Variants in PTPRM observed in about 807,000 individuals in gnomAD.
The protein encoded by PTPRM is protein tyrosine phosphatase receptor type M.
Under a neutral mutation model 186.7 loss-of-function variants are expected in PTPRM, and 47 were observed. That is an observed-to-expected ratio of 0.25 (90% CI 0.20 to 0.32). The LOEUF (loss-of-function observed/expected upper bound fraction) is 0.32. Ranked by LOEUF, PTPRM falls within the 10% of genes least tolerant of loss-of-function variation. PTPRM has a pLI of 1.00. For synonymous variants in PTPRM, 668 were observed against 674.9 expected (o/e 0.99, Z 0.16); for missense variants, 1,494 against 1,865.0 (o/e 0.80, Z 3.66).
At chr18:8,356,746 C>G (rs1598419927) in intron 23 of PTPRM, among the ~76,000 whole-genome samples, 1 of 152,208 alleles carries the variant, frequency 6.6e-6, no homozygotes, top group Middle Eastern at 3.4e-3. Context: ...TAGGTGGAAT[C>G]CCAGGACAGC....
At chr18:8,279,523 G>T (rs979013483) in intron 19 of PTPRM, among the ~76,000 whole-genome samples, 2 of 152,104 alleles carry the variant, frequency 1.3e-5, no homozygotes, top group Admixed American at 6.5e-5. Flanking sequence ...TTCACTTGAC[G>T]CTGTGTCTTG....
intron 31 of PTPRM, among the ~76,000 whole-genome samples, chr18:8,393,828 G>A (rs1465647231): frequency 1.3e-5 from 2 of 151,994 alleles, no homozygotes; most frequent in East Asian, 1.9e-4. Flanking sequence ...TCGCTCTGTT[G>A]CCCAGGCTGG....
At chr18:8,235,456 C>CTTTTTTTTTTTTTT (rs58166609) in intron 14 of PTPRM, among the ~76,000 whole-genome samples, 1 of 102,320 alleles carries the variant, frequency 9.8e-6, no homozygotes, top group Non-Finnish European at 1.9e-5. Flanking sequence ...TCTGTGTCTT[C>CTTTTTTTTTTTTTT]TTTTTTTTTT....
intron 14 of PTPRM, among the ~76,000 whole-genome samples, chr18:8,176,855 G>T (rs2093490876): frequency 6.6e-6 from 1 of 152,224 alleles, no homozygotes; most frequent in South Asian, 2.1e-4. Context: ...CTCATGCAGA[G>T]TTGGTGACTA....
Position 7,890,927 on chromosome 18 carries a change from T to A in PTPRM, c.468+2550T>A, listed in dbSNP as rs181113077. Among the ~76,000 whole-genome samples the A allele has an allele frequency of 6.6e-5, 10 of 152,280 alleles. No homozygotes were observed. In the East Asian group the frequency reaches 1.9e-3, roughly 29 times the overall value. On this transcript the variant is annotated intron_variant, in intron 3 of 32. Transcript: ENST00000580170. ...TAAAGCAATACATTAAATTCTATTT[T>A]TAAGTTTAAAAAATCTAATAAAGAC...
At chr18:7,773,113 G>T (rs552859806) in intron 1 of PTPRM, among the ~76,000 whole-genome samples, 107 of 148,436 alleles carry the variant, frequency 7.2e-4, no homozygotes, top group African/African-American at 2.5e-3. Context: ...ATTATTCTTT[G>T]TTTTTTTTTT....
chr18:7,682,103 C>G (rs1200892699), intron 1 of PTPRM, among the ~76,000 whole-genome samples: 1 of 152,316 alleles, frequency 6.6e-6, no homozygotes. Context: ...ATATGTTGGT[C>G]TCAAGACTGC....
At chr18:8,216,420 C>G (rs2094086937) in intron 14 of PTPRM, among the ~76,000 whole-genome samples, 1 of 152,172 alleles carries the variant, frequency 6.6e-6, no homozygotes, top group Non-Finnish European at 1.5e-5. Flanking sequence ...TCTGTCATAT[C>G]TACATATAAC....
At chr18:8,384,497 T>C (rs1262699722) in intron 29 of PTPRM, 64 bp from the exon 30 acceptor site, 2 of 1,583,142 alleles carry the variant, frequency 1.3e-6, no homozygotes, top group Non-Finnish European at 1.7e-6. Flanking sequence ...ACTAACCTTA[T>C]CCAAACTGTT....
At chr18:7,795,456 T>C (rs1350427044) in intron 2 of PTPRM, among the ~76,000 whole-genome samples, 1 of 151,204 alleles carries the variant, frequency 6.6e-6, no homozygotes, top group Non-Finnish European at 1.5e-5. Context: ...AAGAAATTAA[T>C]TGTGCTTGTT....
intron 23 of PTPRM, among the ~76,000 whole-genome samples, chr18:8,349,568 C>T (rs181481077): frequency 6.6e-6 from 1 of 152,042 alleles, no homozygotes; most frequent in African/African-American, 2.4e-5. Context: ...CTGACATAAG[C>T]CTTACCTCCC....
chr18:8,237,353 G>A (rs543578797), intron 14 of PTPRM, among the ~76,000 whole-genome samples: 1 of 147,954 alleles, frequency 6.8e-6, no homozygotes, highest in African/African-American at 2.5e-5. Flanking sequence ...CCAAGTTTCT[G>A]ATCTATCATT....
chr18:7,734,047 T>G (rs10163896), intron 1 of PTPRM, among the ~76,000 whole-genome samples: 1 of 152,164 alleles, frequency 6.6e-6, no homozygotes, highest in Admixed American at 6.6e-5. Flanking sequence ...TTCACACTTA[T>G]GAAGGGGTCA....
intron 12 of PTPRM, among the ~76,000 whole-genome samples, chr18:8,114,214 CT>C (rs958272996): frequency 1.6e-4 from 24 of 149,568 alleles, no homozygotes; most frequent in Non-Finnish European, 2.4e-4. Flanking sequence ...AATTTGGTAT[CT>C]TTTTTTTTTC....
intron 27 of PTPRM, among the ~76,000 whole-genome samples, chr18:8,378,865 C>T (rs560125041): frequency 6.6e-6 from 1 of 152,190 alleles, no homozygotes; most frequent in Non-Finnish European, 1.5e-5. Context: ...ACTCTTCCCC[C>T]ACCTCTGACC....
At chr18:7,714,093 T>A (rs2040271347) in intron 1 of PTPRM, among the ~76,000 whole-genome samples, 1 of 152,176 alleles carries the variant, frequency 6.6e-6, no homozygotes, top group African/African-American at 2.4e-5. Flanking sequence ...ACGTTGCACT[T>A]ACTCTAAAAT....
At chr18:7,977,489 G>A (rs1183041982) in intron 7 of PTPRM, among the ~76,000 whole-genome samples, 1 of 152,108 alleles carries the variant, frequency 6.6e-6, no homozygotes, top group Non-Finnish European at 1.5e-5. Flanking sequence ...TTCTGGTCCA[G>A]GGAACAGCCT....
At chr18:8,402,740 A>C (rs1398012471) in intron 32 of PTPRM, 2 of 152,204 alleles carry the variant, frequency 1.3e-5, no homozygotes, top group Non-Finnish European at 2.9e-5. Context: ...TCTCTTTTAA[A>C]TATTCTGAAA....
intron 17 of PTPRM, among the ~76,000 whole-genome samples, chr18:8,251,207 G>C (rs1472858678): frequency 6.6e-6 from 1 of 152,190 alleles, no homozygotes; most frequent in Non-Finnish European, 1.5e-5. Flanking sequence ...TAGGTTGCTG[G>C]TGTATCCACG....
Sources: allele counts gnomAD v4.1 joint callset (sites outside exome capture counted in the v4.1 genomes callset), GRCh38; gene constraint gnomAD v4.1.1; transcripts MANE v1.5; gene names NCBI Gene and HGNC (gene_info 2026-07-23, HGNC 2026-07-21).